RSF1: variants seen among roughly 807,000 people sequenced by gnomAD.
The protein encoded by RSF1 is HBV pX-associated protein 8.
A neutral mutation model predicts 145.2 loss-of-function variants in RSF1; 13 were observed. The observed-to-expected ratio is 0.09, with a 90% CI of 0.06 to 0.14. The LOEUF (loss-of-function observed/expected upper bound fraction) is 0.14, where lower values mean the gene tolerates loss of function less well. Among genes scored for constraint, RSF1 ranks in the 10% least tolerant of loss-of-function variants. RSF1 has a pLI of 1.00. For synonymous variants in RSF1, 577 were observed against 592.6 expected, an observed-to-expected ratio of 0.97 and a Z score of 0.38; for missense variants, 1,517 against 1,718.2, an observed-to-expected ratio of 0.88 and a Z score of 2.07.
At chr11:77,786,675 T>TTA (rs1948459840) in intron 1 of RSF1, among the ~76,000 whole-genome samples, 1 of 152,102 alleles carries the variant, frequency 6.6e-6, no homozygotes, top group Admixed American at 6.5e-5. Context: ...GGTGGAGGCA[T>TTA]ATTACATCAA....
the RSF1 span, chr11:77,842,728 CTTTT>C: frequency 1.5e-4 from 227 of 1,495,444 alleles, no homozygotes; most frequent in African/African-American, 3.0e-3. Flanking sequence ...TCTCTTGTGT[CTTTT>C]TGAGATATAA....
chr11:77,758,750 T>A (rs1215498195), intron 2 of RSF1, among the ~76,000 whole-genome samples: 1 of 152,204 alleles, frequency 6.6e-6, no homozygotes, highest in Non-Finnish European at 1.5e-5. Context: ...TTTGAAGAAA[T>A]GTCTATTAAA....
chr11:77,792,161 A>G (rs188566691), intron 1 of RSF1, among the ~76,000 whole-genome samples: 1 of 152,340 alleles, frequency 6.6e-6, no homozygotes, highest in East Asian at 1.9e-4. Context: ...GGTGGCAGGC[A>G]GAGAGAGCTT....
At chr11:77,825,592 C>T (rs1320250344), upstream of RSF1, among the ~76,000 whole-genome samples, 1 of 151,974 alleles carries the variant, frequency 6.6e-6, no homozygotes, top group Non-Finnish European at 1.5e-5. Flanking sequence ...AGATGTAAAC[C>T]AACCATTTTC....
intron 1 of RSF1, chr11:77,813,371 A>T (rs1487732711): frequency 1.0e-6 from 1 of 1,004,530 alleles, no homozygotes; most frequent in Non-Finnish European, 1.6e-6. Flanking sequence ...AAACTGATGG[A>T]AGCAATCTGC....
intron 3 of RSF1, among the ~76,000 whole-genome samples, chr11:77,744,078 G>C (rs547937729): frequency 6.6e-6 from 1 of 152,158 alleles, no homozygotes; most frequent in South Asian, 2.1e-4. Context: ...ACCCAGGCTA[G>C]AGTGCAGTGG....
the RSF1 span, among the ~76,000 whole-genome samples, chr11:77,857,575 A>G: frequency 6.6e-6 from 1 of 151,782 alleles, no homozygotes; most frequent in African/African-American, 2.4e-5. Flanking sequence ...ATTTTGTTTT[A>G]TTTATTTATT....
At chr11:77,774,665 G>A (rs940050540) in intron 1 of RSF1, among the ~76,000 whole-genome samples, 3 of 151,270 alleles carry the variant, frequency 2.0e-5, no homozygotes, top group Non-Finnish European at 2.9e-5. Context: ...AGTGGCTCAC[G>A]CCTGTAATCC....
intron 1 of RSF1, among the ~76,000 whole-genome samples, chr11:77,776,526 A>T (rs566907281): frequency 6.6e-6 from 1 of 152,328 alleles, no homozygotes; most frequent in South Asian, 2.1e-4. Flanking sequence ...GTCATAAAGC[A>T]GAACGAAATG....
chr11:77,820,298 C>A (rs1032452731), intron 1 of RSF1, among the ~76,000 whole-genome samples: 2 of 152,208 alleles, frequency 1.3e-5, no homozygotes, highest in African/African-American at 2.4e-5. Context: ...GCAACGCCTC[C>A]ACCTCAGCTC....
Position 77,662,881 on chromosome 11 carries a change from A to T in RSF1, c.*4036T>A, listed in dbSNP as rs1959262540. On this transcript the variant is annotated 3_prime_UTR_variant, in exon 16 of 16. Transcript: ENST00000308488. ...TTTGAGAATGTCAAACATCAGGAGA[A>T]ACTGTTGTCTAGATTTTCTGTAATT... 1 of 152,190 alleles carries T rather than the reference A, an allele frequency of 6.6e-6. No individual in the cohort carries two copies. The highest frequency in any genetic ancestry group is 2.4e-5 in the African/African-American group (1 of 41,460). The allele number at this position is 152,190 out of a possible 1,614,324, so 9.4% of individuals were successfully genotyped here.
In RSF1 at chr11:77,664,558, G is replaced by C. The variant is rs1165189720; in HGVS notation, c.*2359C>G. 1 of 152,162 alleles carries C rather than the reference G, an allele frequency of 6.6e-6. No homozygotes were observed. Among genetic ancestry groups the C allele is most frequent in the East Asian group, 1.9e-4 (1 of 5,196 alleles). 9.4% of individuals were successfully genotyped at this position (152,162 alleles called of 1,614,324 possible). On this transcript the variant is annotated 3_prime_UTR_variant, in exon 16 of 16. Coordinates refer to ENST00000308488, the MANE Select transcript of RSF1 (RefSeq NM_016578.4). The stretch of plus-strand genomic sequence containing the variant: ...GATCACTTGGCTTAACTGAGGAATA[G>C]AATAGGTGGAAGAAGGAGCTGGTGT...
intron 1 of RSF1, among the ~76,000 whole-genome samples, chr11:77,793,158 A>C (rs1238854931): frequency 6.6e-6 from 1 of 152,206 alleles, no homozygotes; most frequent in Non-Finnish European, 1.5e-5. Flanking sequence ...TCTCCACTTG[A>C]AAGATACAAA....
At position 77,700,128 on chromosome 11, in the gene RSF1, G is replaced by A. The variant is rs541903100; in HGVS notation, c.2508+593C>T. On this transcript the variant is annotated intron_variant, in intron 6 of 15. Transcript: ENST00000308488. ...AGCACTTTGGGAGGCCGAGGTGGACGGATCACCAGGTCAAGAGATCGAGAT... is the reference window on the plus strand; with the variant it reads ...AGCACTTTGGGAGGCCGAGGTGGACAGATCACCAGGTCAAGAGATCGAGAT... 5.9e-5 allele frequency among the ~76,000 whole-genome samples: 9 copies of A among 151,992 alleles called. No homozygotes were observed. The South Asian group carries it at 8.3e-4, about 14-fold the overall frequency.
chr11:77,725,665 G>C lies in RSF1; in HGVS notation c.613C>G (p.Leu205Val), dbSNP rs188784172. The C allele has an allele frequency of 6.2e-7, 1 of 1,600,918 alleles. No individual in the cohort carries two copies. Among genetic ancestry groups the C allele is most frequent in the Non-Finnish European group, 8.5e-7 (1 of 1,173,212 alleles). Residue 205 changes from leucine to valine, a missense_variant, in exon 5 of 16, where the codon CTG (leucine) becomes GTG (valine). By Grantham distance (32) the Leu-to-Val change is conservative (BLOSUM62 1). Around this residue, in one of 12 missense-constraint regions of RSF1, gnomAD observed 207 missense variants for 191.4 expected, o/e 1.08. Coordinates refer to ENST00000308488, the MANE Select transcript of RSF1 (RefSeq NM_016578.4). The part of the protein sequence containing the change: ...RNELAETLAL[L>V]KAQIDPVLLK... ...AGTACAGGATCAATTTGTGCTTTCAGGAGTGCAAGAGTCTCAGCCAACTCG... is the reference window on the plus strand; with the variant it reads ...AGTACAGGATCAATTTGTGCTTTCACGAGTGCAAGAGTCTCAGCCAACTCG...
intron 15 of RSF1, among the ~76,000 whole-genome samples, chr11:77,670,734 CA>C (rs1231035483): frequency 1.3e-5 from 2 of 152,086 alleles, no homozygotes; most frequent in Non-Finnish European, 2.9e-5. Flanking sequence ...CACATCCAAA[CA>C]TTTTTTTTCC....
chr11:77,695,090 C>T (rs113070950), intron 7 of RSF1, among the ~76,000 whole-genome samples: 194 of 152,202 alleles, frequency 1.3e-3, no homozygotes, highest in African/African-American at 4.4e-3. Flanking sequence ...GGTCACCTTC[C>T]GTACTCTATT....
chr11:77,783,737 G>A (rs1948427510), intron 1 of RSF1, among the ~76,000 whole-genome samples: 2 of 152,172 alleles, frequency 1.3e-5, no homozygotes, highest in South Asian at 4.1e-4. Flanking sequence ...AGCTACTCAG[G>A]AGGCTGAACT....
the RSF1 span, among the ~76,000 whole-genome samples, chr11:77,829,230 G>A: frequency 6.6e-6 from 1 of 152,204 alleles, no homozygotes; most frequent in East Asian, 1.9e-4. Flanking sequence ...GAGAGGCCAT[G>A]TGAAGACACA....
Sources: allele counts gnomAD v4.1 joint callset (sites outside exome capture counted in the v4.1 genomes callset), GRCh38; gene constraint gnomAD v4.1.1; regional missense constraint gnomAD v4.1.1; transcripts MANE v1.5; gene names NCBI Gene and HGNC (gene_info 2026-07-23, HGNC 2026-07-21).